Variants in TREML2 observed in about 807,000 individuals in gnomAD.
TREML2 encodes triggering receptor expressed on myeloid cells like 2, also known as trem-like transcript 2 protein.
Under a neutral mutation model 25.9 loss-of-function variants are expected in TREML2, and 24 were observed. The ratio of observed to expected loss-of-function variants is 0.93; its 90% CI spans 0.67 to 1.30. The LOEUF (loss-of-function observed/expected upper bound fraction) is 1.30. TREML2 is among the 50% of genes most tolerant of loss of function. The pLI is 0.00. For missense variants in TREML2, 359 were observed against 395.6 expected (o/e 0.91, Z 0.78); for synonymous variants, 139 against 155.2 (o/e 0.90, Z 0.77).
rs963089341 is a variant in TREML2, at chr6:41,190,487, C to T, written c.*1940G>A. 2.0e-5 allele frequency: 3 copies of T among 152,182 alleles called. No individual in the cohort carries two copies. Among genetic ancestry groups the T allele is most frequent in the Non-Finnish European group, 4.4e-5 (3 of 68,036 alleles). 9.4% of individuals were successfully genotyped at this position (152,182 alleles called of 1,614,324 possible). On this transcript the variant is annotated 3_prime_UTR_variant, in exon 5 of 5. Coordinates refer to ENST00000483722, the MANE Select transcript of TREML2 (RefSeq NM_024807.4). Reference sequence around the variant, plus strand: ...AGGAATAATGGTAATGAGGCATTTGCATCATTGTACAATGCTAATGTTATT... The same window carrying T: ...AGGAATAATGGTAATGAGGCATTTGTATCATTGTACAATGCTAATGTTATT...
chr6:41,196,164 A>G (rs1485595484), intron 2 of TREML2, among the ~76,000 whole-genome samples: 1 of 152,236 alleles, frequency 6.6e-6, no homozygotes, highest in Non-Finnish European at 1.5e-5. Flanking sequence ...TAACATGATT[A>G]GAGGAAATGA....
At chr6:41,194,241 C>T (rs1582096246) in intron 3 of TREML2, among the ~76,000 whole-genome samples, 184 bp downstream of exon 3, 1 of 127,660 alleles carries the variant, frequency 7.8e-6, no homozygotes, top group East Asian at 2.8e-4. Flanking sequence ...TGCCCCTCCT[C>T]TCTCCTGCCC....
At chr6:41,193,507 G>A (rs1044901343) in intron 3 of TREML2, among the ~76,000 whole-genome samples, 2 of 151,728 alleles carry the variant, frequency 1.3e-5, no homozygotes, top group Non-Finnish European at 2.9e-5. Context: ...GTTGGGATTA[G>A]GCTCTTGTTG....
chr6:41,200,910 T>C, intron 1 of TREML2, 44 bp downstream of exon 1: 2 of 1,486,666 alleles, frequency 1.3e-6, no homozygotes, highest in Non-Finnish European at 1.8e-6. Flanking sequence ...CTCCTGCCTC[T>C]GTACCCACTC....
Position 41,194,426 on chromosome 6 carries a change from T to C in TREML2, c.784A>G (p.Arg262Gly). ...LNRLPSMPSI[R>G]HQDVYSTVLG... Reference sequence around the variant, plus strand: ...CTCAACCCCAGGCCCCACAGGTACCTGATGGAGGGCATGGAGGGTAGTCTG... The same window carrying C: ...CTCAACCCCAGGCCCCACAGGTACCCGATGGAGGGCATGGAGGGTAGTCTG... The change falls in exon 3 of 5, where the codon AGG becomes GGG. Residue 262 changes from arginine (R) to glycine (G), a missense_variant and splice_region_variant. Arg to Gly is a moderately radical substitution (Grantham distance 125). Transcript: ENST00000483722. The C allele has an allele frequency of 6.4e-7, 1 of 1,558,496 alleles. No homozygotes were observed. The highest frequency in any genetic ancestry group is 1.2e-5 in the South Asian group (1 of 84,790).
At position 41,201,021 on chromosome 6, in the gene TREML2, C is replaced by G. The variant is rs781286075; in HGVS notation, c.-13G>C. Reference sequence around the variant, plus strand: ...AGGCTGGGGCCATGGTTCCATCCAGCTGGGCAGTGTCAGGCCTGGAGATCC... The same window carrying G: ...AGGCTGGGGCCATGGTTCCATCCAGGTGGGCAGTGTCAGGCCTGGAGATCC... On this transcript the variant is annotated 5_prime_UTR_variant, in exon 1 of 5. Coordinates refer to ENST00000483722, the MANE Select transcript of TREML2 (RefSeq NM_024807.4). 2.1e-5 allele frequency: 34 copies of G among 1,610,696 alleles called. No individual in the cohort carries two copies. In the Admixed American group the frequency reaches 5.2e-4, roughly 25 times the overall value.
intron 1 of TREML2, among the ~76,000 whole-genome samples, chr6:41,199,123 A>G (rs1396363944): frequency 6.6e-6 from 1 of 152,112 alleles, no homozygotes; most frequent in Non-Finnish European, 1.5e-5. Flanking sequence ...CGGCCTCCCA[A>G]AGTGCTGGGA....
intron 2 of TREML2, among the ~76,000 whole-genome samples, chr6:41,196,408 T>C (rs1251338284): frequency 2.0e-5 from 3 of 152,196 alleles, no homozygotes; most frequent in African/African-American, 7.2e-5. Context: ...AATAACTGGC[T>C]GCCTTTTCCG....
At chr6:41,196,093 A>C (rs1377006373) in intron 2 of TREML2, among the ~76,000 whole-genome samples, 1 of 152,236 alleles carries the variant, frequency 6.6e-6, no homozygotes, top group Non-Finnish European at 1.5e-5. Context: ...ATAACAGAAA[A>C]GGTCTGCAAA....
At chr6:41,192,979 G>A (rs1582095573) in intron 3 of TREML2, 78 bp from the exon 4 acceptor site, 4 of 1,229,744 alleles carry the variant, frequency 3.3e-6, no homozygotes, top group Middle Eastern at 2.2e-4. Context: ...CGGACCAGCA[G>A]CAGAAACCCT....
Position 41,191,218 on chromosome 6 carries a change from T to C in TREML2, c.*1209A>G, listed in dbSNP as rs917822000. On this transcript the variant is annotated 3_prime_UTR_variant, in exon 5 of 5. Coordinates refer to ENST00000483722, the MANE Select transcript of TREML2 (RefSeq NM_024807.4). ...GTGTGTGTGTGTGTGTGTGTGTGTGTGTGTAGGGGAATCCAGGCTGCATTC... is the reference window on the plus strand; with the variant it reads ...GTGTGTGTGTGTGTGTGTGTGTGTGCGTGTAGGGGAATCCAGGCTGCATTC... 1.4e-5 allele frequency: 2 copies of C among 147,212 alleles called. No homozygotes were observed. Among genetic ancestry groups the C allele is most frequent in the Admixed American group, 6.8e-5 (1 of 14,622 alleles). 9.1% of individuals were successfully genotyped at this position (147,212 alleles called of 1,614,324 possible).
At chr6:41,200,260 T>A (rs1766251492) in intron 1 of TREML2, among the ~76,000 whole-genome samples, 1 of 152,244 alleles carries the variant, frequency 6.6e-6, no homozygotes, top group African/African-American at 2.4e-5. Flanking sequence ...CTTTCTGCCC[T>A]GGCAGTGGGA....
At chr6:41,194,867 C>G in intron 2 of TREML2, 34 bp from the exon 3 acceptor site, 2 of 1,535,428 alleles carry the variant, frequency 1.3e-6, no homozygotes, top group Non-Finnish European at 1.8e-6. Context: ...GTTAGATTGA[C>G]TTGGGTGCCT....
At chr6:41,193,269 T>A (rs1766099844) in intron 3 of TREML2, among the ~76,000 whole-genome samples, 2 of 152,148 alleles carry the variant, frequency 1.3e-5, no homozygotes, top group African/African-American at 4.8e-5. Flanking sequence ...TAGCAGATGC[T>A]GTCGGGCCCC....
chr6:41,192,937 C>A, intron 3 of TREML2, 36 bp from the exon 4 acceptor site: 1 of 1,491,632 alleles, frequency 6.7e-7, no homozygotes, highest in Non-Finnish European at 9.0e-7. Flanking sequence ...CGGGTGAGCA[C>A]CAAGGTCCCC....
Position 41,189,816 on chromosome 6 carries a change from G to C in TREML2, c.*2611C>G, listed in dbSNP as rs1398476955. ...TCTGCTGTGGAGAGGAGGCCTGAAAGAGGGTTGCCATTTTTACAGTTGAAT... is the reference window on the plus strand; with the variant it reads ...TCTGCTGTGGAGAGGAGGCCTGAAACAGGGTTGCCATTTTTACAGTTGAAT... On this transcript the variant is annotated 3_prime_UTR_variant, in exon 5 of 5. Coordinates refer to ENST00000483722, the MANE Select transcript of TREML2 (RefSeq NM_024807.4). 1.3e-5 allele frequency among the ~76,000 whole-genome samples: 2 copies of C among 152,254 alleles called. No individual in the cohort carries two copies. Among genetic ancestry groups the C allele is most frequent in the African/African-American group, 4.8e-5 (2 of 41,460 alleles).
chr6:41,197,190 A>C (rs1766182369), intron 2 of TREML2, among the ~76,000 whole-genome samples: 1 of 152,218 alleles, frequency 6.6e-6, no homozygotes, highest in Non-Finnish European at 1.5e-5. Flanking sequence ...TTCCAGCCAG[A>C]TGCCCACAAT....
Position 41,200,955 on chromosome 6 carries a change from T to C in TREML2, c.54A>G (p.Ser18=), listed in dbSNP as rs148955717. ...LLLLWPQGCV[S]GPSADSVYTK... is the part of the protein sequence containing the mutation. Reference sequence around the variant, plus strand: ...CAAGTCAGCCCCTTCTCCCCTCACCTGAGACGCAACCCTGTGGCCACAGCA... The same window carrying C: ...CAAGTCAGCCCCTTCTCCCCTCACCCGAGACGCAACCCTGTGGCCACAGCA... Residue 18 remains serine, a splice_region_variant and synonymous_variant, in exon 1 of 5, where the codon TCA becomes TCG. Transcript: ENST00000483722. The C allele has an allele frequency of 5.8e-5, 91 of 1,559,140 alleles. No homozygotes were observed. The highest frequency in any genetic ancestry group is 1.2e-4 in the Admixed American group (6 of 51,784).
chr6:41,192,760 G>A (rs1187064703), intron 4 of TREML2, 41 bp downstream of exon 4: 1 of 1,567,382 alleles, frequency 6.4e-7, no homozygotes, highest in Non-Finnish European at 8.8e-7. Flanking sequence ...CAGTTACCCA[G>A]AGCTCTGCCC....
Sources: allele counts gnomAD v4.1 joint callset (sites outside exome capture counted in the v4.1 genomes callset), GRCh38; gene constraint gnomAD v4.1.1; transcripts MANE v1.5; gene names NCBI Gene and HGNC (gene_info 2026-07-23, HGNC 2026-07-21).